The following BRINP3 variants were observed in gnomAD, a reference collection of about 807,000 sequenced individuals.
The protein encoded by BRINP3 is BMP/retinoic acid inducible neural specific 3, also known as BMP/retinoic acid-inducible neural-specific protein 3.
In BRINP3, 19 loss-of-function variants were observed where a neutral mutation model predicts 71.0. The ratio of observed to expected loss-of-function variants is 0.27; its 90% confidence interval spans 0.19 to 0.39. BRINP3 has a LOEUF of 0.39. Among genes scored for constraint, BRINP3 ranks in the 10% least tolerant of loss-of-function variants. The pLI is 1.00. For missense variants in BRINP3, 959 were observed against 940.8 expected, an observed-to-expected ratio of 1.02 and a Z score of -0.25; for synonymous variants, 380 against 337.7, an observed-to-expected ratio of 1.13 and a Z score of -1.37.
intron 1 of BRINP3, among the ~76,000 whole-genome samples, chr1:190,463,272 T>A (rs1676514574): frequency 6.6e-6 from 1 of 151,730 alleles, no homozygotes; most frequent in Admixed American, 6.6e-5. Context: ...AGAAATGAGA[T>A]GACACTTAAT....
chr1:190,123,906 C>T (rs952412476), intron 7 of BRINP3, among the ~76,000 whole-genome samples: 1 of 152,112 alleles, frequency 6.6e-6, no homozygotes, highest in African/African-American at 2.4e-5. Context: ...TAGATAGTTG[C>T]ATCAAACTTT....
chr1:190,366,552 G>A (rs1571872691), intron 2 of BRINP3, among the ~76,000 whole-genome samples: 2 of 151,984 alleles, frequency 1.3e-5, no homozygotes, highest in African/African-American at 4.8e-5. Flanking sequence ...TCAAAACACA[G>A]TCATCTTTCA....
At chr1:190,388,912 G>A (rs947314945) in intron 2 of BRINP3, among the ~76,000 whole-genome samples, 24 of 151,714 alleles carry the variant, frequency 1.6e-4, no homozygotes, top group Admixed American at 3.3e-4. Context: ...AAGTAGATAG[G>A]AAAGATGTCC....
At chr1:190,224,684 T>G (rs1316226749) in intron 6 of BRINP3, among the ~76,000 whole-genome samples, 1 of 151,584 alleles carries the variant, frequency 6.6e-6, no homozygotes, top group Non-Finnish European at 1.5e-5. Context: ...ATCAGCAAAG[T>G]GAAGAGATAA....
intron 4 of BRINP3, among the ~76,000 whole-genome samples, chr1:190,247,892 A>G (rs1659755677): frequency 6.6e-6 from 1 of 151,972 alleles, no homozygotes; most frequent in African/African-American, 2.4e-5. Flanking sequence ...TCAAGGTCAC[A>G]GACCGTTGGG....
chr1:190,223,445 T>C (rs928918031), intron 6 of BRINP3, among the ~76,000 whole-genome samples: 1 of 151,918 alleles, frequency 6.6e-6, no homozygotes, highest in African/African-American at 2.4e-5. Context: ...AAAAAAGCAC[T>C]TGATAAAATT....
intron 2 of BRINP3, among the ~76,000 whole-genome samples, chr1:190,408,773 A>G (rs1168867937): frequency 1.3e-5 from 2 of 152,236 alleles, no homozygotes; most frequent in Non-Finnish European, 2.9e-5. Context: ...TCACATGGGC[A>G]TTGAATAGGC....
chr1:190,194,332 C>T (rs1398164791), intron 6 of BRINP3, among the ~76,000 whole-genome samples: 3 of 151,956 alleles, frequency 2.0e-5, no homozygotes, highest in African/African-American at 7.2e-5. Flanking sequence ...GACCTCTGGC[C>T]CCCAGAATTG....
chr1:190,223,596 T>A (rs1450990604), intron 6 of BRINP3, among the ~76,000 whole-genome samples: 1 of 151,932 alleles, frequency 6.6e-6, no homozygotes, highest in Non-Finnish European at 1.5e-5. Context: ...GAGAAAGGCC[T>A]TTTCTTTAAA....
chr1:190,241,025 C>T (rs911224863), intron 4 of BRINP3, among the ~76,000 whole-genome samples: 1 of 151,206 alleles, frequency 6.6e-6, no homozygotes, highest in Non-Finnish European at 1.5e-5. Flanking sequence ...TTTCTATTAT[C>T]TCCTTTAATT....
chr1:190,303,641 G>T (rs1290386670), intron 2 of BRINP3, among the ~76,000 whole-genome samples: 2 of 151,686 alleles, frequency 1.3e-5, no homozygotes, highest in Non-Finnish European at 1.5e-5. Context: ...TATAAATTAA[G>T]TATGAGGACA....
At chr1:190,133,879 A>G (rs1654751476) in intron 7 of BRINP3, among the ~76,000 whole-genome samples, 1 of 152,102 alleles carries the variant, frequency 6.6e-6, no homozygotes, top group Non-Finnish European at 1.5e-5. Context: ...GAAAATGGTA[A>G]CTATGAAATG....
chr1:190,389,409 T>C (rs1671109379), intron 2 of BRINP3, among the ~76,000 whole-genome samples: 1 of 151,784 alleles, frequency 6.6e-6, no homozygotes, highest in Non-Finnish European at 1.5e-5. Context: ...AAAGAATACT[T>C]TCCTACTTCC....
chr1:190,178,461 A>T (rs1652746711), intron 6 of BRINP3, among the ~76,000 whole-genome samples: 1 of 152,186 alleles, frequency 6.6e-6, no homozygotes, highest in African/African-American at 2.4e-5. Flanking sequence ...TGCCACACAC[A>T]AATAAATGCA....
chr1:190,427,631 T>G (rs1357617087), intron 2 of BRINP3, among the ~76,000 whole-genome samples: 1 of 152,018 alleles, frequency 6.6e-6, no homozygotes, highest in Non-Finnish European at 1.5e-5. Flanking sequence ...AAATGAGGGT[T>G]TGGGTAGCAA....
chr1:190,476,825 A>G (rs1677533864), intron 1 of BRINP3, among the ~76,000 whole-genome samples: 2 of 152,186 alleles, frequency 1.3e-5, no homozygotes, highest in South Asian at 2.1e-4. Context: ...AATGCCTAAA[A>G]TAACGTGCTT....
intron 2 of BRINP3, among the ~76,000 whole-genome samples, chr1:190,429,159 T>C (rs1246097321): frequency 6.6e-6 from 1 of 152,150 alleles, no homozygotes; most frequent in Admixed American, 6.6e-5. Flanking sequence ...TATAAAGCCA[T>C]TGGAAGCAAT....
intron 2 of BRINP3, among the ~76,000 whole-genome samples, chr1:190,364,701 GTAATC>G (rs1180432406): frequency 3.9e-5 from 6 of 152,052 alleles, no homozygotes; most frequent in Admixed American, 2.6e-4. Flanking sequence ...GACATCTTGA[GTAATC>G]TTAAACAAAT....
In BRINP3 at chr1:190,199,787, A is replaced by T. The variant is rs573470427; in HGVS notation, c.961+26295T>A. 2.7e-5 allele frequency among the ~76,000 whole-genome samples: 4 copies of T among 150,598 alleles called. No homozygotes were observed. The East Asian group carries it at 7.8e-4, about 29-fold the overall frequency. On this transcript the variant is annotated intron_variant, in intron 6 of 7. Transcript: ENST00000367462. ...AAGGCATAGGAAAAAAAAAAAAACAAAAACAAAAACAAACAAAAAAAAAAC... is the reference window on the plus strand; with the variant it reads ...AAGGCATAGGAAAAAAAAAAAAACATAAACAAAAACAAACAAAAAAAAAAC...
Sources: allele counts gnomAD v4.1 joint callset (sites outside exome capture counted in the v4.1 genomes callset), GRCh38; gene constraint gnomAD v4.1.1; transcripts MANE v1.5; gene names NCBI Gene and HGNC (gene_info 2026-07-23, HGNC 2026-07-21).